The following SGCD variants were observed in gnomAD, a reference collection of about 807,000 sequenced individuals.
The protein encoded by SGCD is delta-sarcoglycan.
SGCD carries 18 observed loss-of-function variants against 36.6 expected under a neutral mutation model. That is an observed-to-expected ratio of 0.49 (90% CI 0.34 to 0.73). The LOEUF (loss-of-function observed/expected upper bound fraction) is 0.73, where lower values mean the gene tolerates loss of function less well. Among genes scored for constraint, SGCD ranks in the 30% least tolerant of loss-of-function variants. The pLI is 0.01. For synonymous variants in SGCD, 133 were observed against 130.6 expected (o/e 1.02, Z -0.12); for missense variants, 387 against 346.7 (o/e 1.12, Z -0.92).
At chr5:155,807,468 AGCTTGG>A in the SGCD span, among the ~76,000 whole-genome samples, 6 of 152,244 alleles carry the variant, frequency 3.9e-5, no homozygotes, top group Non-Finnish European at 7.3e-5. Flanking sequence ...ATATGGTTGA[AGCTTGG>A]GCCAGCCAGT....
chr5:156,362,959 T>C (rs1374271349), intron 3 of SGCD, among the ~76,000 whole-genome samples: 1 of 152,166 alleles, frequency 6.6e-6, no homozygotes, highest in East Asian at 1.9e-4. Flanking sequence ...TCTGGGATAA[T>C]TGACTATAAT....
intron 3 of SGCD, among the ~76,000 whole-genome samples, chr5:156,297,356 T>C (rs891386905): frequency 6.6e-6 from 1 of 152,016 alleles, no homozygotes; most frequent in Non-Finnish European, 1.5e-5. Flanking sequence ...TATTGCGGCA[T>C]TATTCACAAT....
chr5:156,206,122 T>A (rs951052035), intron 3 of SGCD, among the ~76,000 whole-genome samples: 3 of 151,436 alleles, frequency 2.0e-5, no homozygotes, highest in Non-Finnish European at 2.9e-5. Context: ...GCATGATATA[T>A]ATTATTTTAT....
intron 1 of SGCD, among the ~76,000 whole-genome samples, chr5:156,034,096 C>T (rs1378208019): frequency 6.6e-6 from 1 of 152,172 alleles, no homozygotes; most frequent in African/African-American, 2.4e-5. Flanking sequence ...TCTCCTACCC[C>T]ACTCCTCACA....
At chr5:155,980,708 T>G (rs762201568) in intron 1 of SGCD, among the ~76,000 whole-genome samples, 5 of 150,464 alleles carry the variant, frequency 3.3e-5, no homozygotes, top group South Asian at 4.2e-4. Flanking sequence ...TGAACTTTGT[T>G]TTGGTAACTC....
chr5:155,736,562 A>G, the SGCD span, among the ~76,000 whole-genome samples: 2,028 of 152,258 alleles, frequency 0.013, 60 homozygotes, highest in African/African-American at 0.046. Flanking sequence ...AATGTTTTCT[A>G]TGGTCCTTTA....
At chr5:155,879,827 C>T (rs1755844190) in intron 1 of SGCD, among the ~76,000 whole-genome samples, 2 of 152,050 alleles carry the variant, frequency 1.3e-5, no homozygotes, top group African/African-American at 2.4e-5. Flanking sequence ...ATGAGAAAAT[C>T]GAGGCATGAA....
chr5:155,836,400 T>A, the SGCD span, among the ~76,000 whole-genome samples: 2 of 152,076 alleles, frequency 1.3e-5, no homozygotes, highest in African/African-American at 4.8e-5. Context: ...ATTCTGCAAA[T>A]GAAAAACGAT....
intron 3 of SGCD, among the ~76,000 whole-genome samples, chr5:156,373,786 G>T (rs1049486640): frequency 6.6e-6 from 1 of 152,190 alleles, no homozygotes; most frequent in African/African-American, 2.4e-5. Context: ...AAGGGCTGTT[G>T]CTAGCTCAGG....
At chr5:156,073,045 A>G (rs1021327486) in intron 1 of SGCD, among the ~76,000 whole-genome samples, 2 of 152,088 alleles carry the variant, frequency 1.3e-5, no homozygotes, top group South Asian at 4.1e-4. Context: ...AATTTTTTTC[A>G]AAGTTTTCAA....
chr5:156,630,780 T>A (rs1270247140), intron 6 of SGCD, among the ~76,000 whole-genome samples: 1 of 152,210 alleles, frequency 6.6e-6, no homozygotes, highest in Non-Finnish European at 1.5e-5. Context: ...TGCTGGATAG[T>A]AAGATTTGAC....
chr5:156,561,885 G>A (rs1759280448), intron 4 of SGCD, among the ~76,000 whole-genome samples: 1 of 152,032 alleles, frequency 6.6e-6, no homozygotes, highest in Non-Finnish European at 1.5e-5. Flanking sequence ...TTAAGTTTAA[G>A]CTGCTTTGTC....
intron 1 of SGCD, among the ~76,000 whole-genome samples, chr5:156,079,484 A>G (rs183666078): frequency 6.6e-6 from 1 of 152,282 alleles, no homozygotes; most frequent in Non-Finnish European, 1.5e-5. Context: ...TCATCTGGAG[A>G]CGAGTTCCTT....
intron 1 of SGCD, among the ~76,000 whole-genome samples, chr5:156,082,760 A>G (rs936246222): frequency 6.6e-6 from 1 of 152,220 alleles, no homozygotes; most frequent in African/African-American, 2.4e-5. Flanking sequence ...GATCGCATAA[A>G]TTGGATAAAC....
At chr5:155,753,413 G>T in the SGCD span, among the ~76,000 whole-genome samples, 1 of 152,026 alleles carries the variant, frequency 6.6e-6, no homozygotes, top group Non-Finnish European at 1.5e-5. Flanking sequence ...AAAGTACCTG[G>T]ACTTTATGGA....
intron 7 of SGCD, among the ~76,000 whole-genome samples, chr5:156,753,425 T>TAAAC (rs1182431712): frequency 6.6e-6 from 1 of 152,240 alleles, no homozygotes; most frequent in Non-Finnish European, 1.5e-5. Flanking sequence ...ACATGCCATC[T>TAAAC]AAACAATTGT....
intron 3 of SGCD, among the ~76,000 whole-genome samples, chr5:156,504,199 C>T (rs1272744908): frequency 2.1e-5 from 3 of 145,712 alleles, no homozygotes; most frequent in East Asian, 3.9e-4. Flanking sequence ...AGCAAAAAAG[C>T]TCTGTCTCAA....
At chr5:156,681,655 G>A (rs1157886635) in intron 7 of SGCD, among the ~76,000 whole-genome samples, 2 of 152,294 alleles carry the variant, frequency 1.3e-5, no homozygotes, top group African/African-American at 2.4e-5. Context: ...TATGTTTGAC[G>A]CTGGAGAGGA....
At chr5:156,023,783 C>T (rs145396050) in intron 1 of SGCD, among the ~76,000 whole-genome samples, 21 of 152,298 alleles carry the variant, frequency 1.4e-4, no homozygotes, top group East Asian at 1.2e-3. Context: ...AATACATCTT[C>T]GGCTGTCTAA....
Sources: gnomAD v4.1 joint callset for allele counts (sites outside exome capture counted in the v4.1 genomes callset) on GRCh38, gnomAD v4.1.1 for gene constraint, MANE v1.5 for transcripts, NCBI Gene and HGNC (gene_info 2026-07-23, HGNC 2026-07-21) for gene names.